The following RPP30 variants were observed in gnomAD, a reference collection of about 807,000 sequenced individuals.
RPP30 encodes the protein ribonuclease P/MRP subunit p30, also known as ribonuclease P protein subunit p30.
Under a neutral mutation model 38.6 loss-of-function variants are expected in RPP30, and 36 were observed. That is an observed-to-expected ratio of 0.93 (90% CI 0.71 to 1.23). The LOEUF is 1.23. Among genes scored for constraint, RPP30 ranks in the 50% most tolerant of loss-of-function variants. The probability of loss-of-function intolerance (pLI) is 0.00; values close to 1 mark genes in which losing one functional copy is unlikely to be tolerated. For synonymous variants in RPP30, 126 were observed against 112.7 expected, an observed-to-expected ratio of 1.12 and a Z score of -0.75; for missense variants, 321 against 321.7, an observed-to-expected ratio of 1.00 and a Z score of 0.02.
At chr10:90,875,945 A>G (rs1846846041) in intron 3 of RPP30, 79 bp from the exon 4 acceptor site, 2 of 829,848 alleles carry the variant, frequency 2.4e-6, no homozygotes, top group East Asian at 4.9e-5. Context: ...GTACCTTTTA[A>G]TGAATACTTT....
rs770517397 is a variant in RPP30 at position 90,874,894 on chromosome 10, T to G, written c.108T>G (p.Asn36Lys). 6.3e-7 allele frequency: 1 copy of G among 1,597,260 alleles called. No homozygotes were observed. Among genetic ancestry groups the G allele is most frequent in the East Asian group, 2.2e-5 (1 of 44,544 alleles). Reference protein sequence around the residue: ...AHLGYSVVAINHIVDFKEKKQ... With the variant: ...AHLGYSVVAIKHIVDFKEKKQ... ...TTGGCTATTCAGTTGTTGCTATCAATCATATCGTTGACTTTAAGGAAAAGA... is the reference window on the plus strand; with the variant it reads ...TTGGCTATTCAGTTGTTGCTATCAAGCATATCGTTGACTTTAAGGAAAAGA... The change falls in exon 2 of 11, where the codon AAT becomes AAG. Residue 36 changes from asparagine to lysine, a missense_variant. Coordinates refer to ENST00000371703, the MANE Select transcript of RPP30 (RefSeq NM_006413.5).
chr10:90,906,752 G>A (rs1269496405), downstream of RPP30, among the ~76,000 whole-genome samples: 2 of 152,148 alleles, frequency 1.3e-5, no homozygotes, highest in Admixed American at 1.3e-4. Flanking sequence ...AGTATACTTG[G>A]TAAGACCTGG....
chr10:90,886,473 A>G (rs984226298), intron 6 of RPP30, among the ~76,000 whole-genome samples: 5 of 152,154 alleles, frequency 3.3e-5, no homozygotes, highest in Non-Finnish European at 5.9e-5. Flanking sequence ...CCCCTTCTAC[A>G]TAGTTTTCTC....
chr10:90,885,845 T>A lies in RPP30; in HGVS notation c.376T>A (p.Cys126Ser), dbSNP rs777511045. The change falls in exon 6 of 11, where the codon TGC becomes AGC. Residue 126 changes from cysteine to serine, a missense_variant. Coordinates refer to ENST00000371703, the MANE Select transcript of RPP30 (RefSeq NM_006413.5). ...ACTHLDVDLV[C>S]ITVTEKLPFY... Reference sequence around the variant, plus strand: ...CACACATTTAGATGTGGATTTAGTCTGCATAACTGTAACAGAGAAACTACC... The same window carrying A: ...CACACATTTAGATGTGGATTTAGTCAGCATAACTGTAACAGAGAAACTACC... 3 of 1,611,846 alleles carry A rather than the reference T, an allele frequency of 1.9e-6. No homozygotes were observed. In the South Asian group the frequency reaches 3.3e-5, roughly 18 times the overall value.
chr10:90,894,838 A>G lies in RPP30; in HGVS notation c.496A>G (p.Arg166Gly). 1 of 1,613,576 alleles carries G rather than the reference A, an allele frequency of 6.2e-7. No homozygotes were observed. The highest frequency in any genetic ancestry group is 8.5e-7 in the Non-Finnish European group (1 of 1,179,548). ...CCCTGCTATCAAAGACTCCACAATG[A>G]GAAGGTATACAATTTCCAGTGCCCT... ...YSPAIKDSTMRRYTISSALNL... is the reference protein window; with the variant it reads ...YSPAIKDSTMGRYTISSALNL... Residue 166 changes from arginine (R) to glycine (G), a missense_variant, in exon 7 of 11, where the codon AGA becomes GGA. Physicochemically the swap from Arg to Gly is moderately radical, Grantham distance 125 (BLOSUM62 -2). Coordinates refer to ENST00000371703, the MANE Select transcript of RPP30 (RefSeq NM_006413.5).
chr10:90,895,439 CTT>C lies in RPP30; in HGVS notation c.550-13_550-12del, dbSNP rs1847128976. On this transcript the variant is annotated splice_polypyrimidine_tract_variant and intron_variant, in intron 7 of 10. Transcript: ENST00000371703. ...ATTTATCTAAGATTAATATTAGTCA[CTT>C]TCTATTTTGTAGAATGTAATTATAT... is the stretch of plus-strand genomic sequence containing the variant. 6 of 1,338,140 alleles carry C rather than the reference CTT, an allele frequency of 4.5e-6. No homozygotes were observed. Among genetic ancestry groups the C allele is most frequent in the Non-Finnish European group, 6.1e-6 (6 of 990,848 alleles). The allele number at this position is 1,338,140 out of a possible 1,614,324, so 82.9% of individuals were successfully genotyped here. A position where few individuals can be genotyped will look rare whatever the true frequency, so the allele number is the denominator to read the frequency against.
intron 4 of RPP30, among the ~76,000 whole-genome samples, chr10:90,876,481 A>T (rs945372521): frequency 3.9e-5 from 6 of 152,218 alleles, no homozygotes; most frequent in African/African-American, 1.4e-4. Flanking sequence ...GAATGTTCCA[A>T]GGTAGGGAAG....
chr10:90,896,454 C>T (rs1847140299), intron 10 of RPP30, 62 bp downstream of exon 10: 1 of 1,346,184 alleles, frequency 7.4e-7, no homozygotes, highest in Non-Finnish European at 1.1e-6. Flanking sequence ...TTTTTACAGC[C>T]ATACCTATTT....
intron 10 of RPP30, among the ~76,000 whole-genome samples, chr10:90,899,121 T>C (rs1392824375): frequency 4.6e-5 from 7 of 152,260 alleles, no homozygotes; most frequent in Non-Finnish European, 8.8e-5. Context: ...AGTGCTGATT[T>C]TCATAATGTT....
At chr10:90,898,923 C>A (rs756095680) in intron 10 of RPP30, among the ~76,000 whole-genome samples, 2 of 152,178 alleles carry the variant, frequency 1.3e-5, no homozygotes, top group African/African-American at 4.8e-5. Context: ...CCTGCCTTAG[C>A]CCCTTGTGAA....
chr10:90,872,025 T>A lies in RPP30; in HGVS notation c.39T>A (p.Ser13=). Residue 13 remains serine (S), a synonymous_variant, in exon 1 of 11, where the codon TCT becomes TCA. Coordinates refer to ENST00000371703, the MANE Select transcript of RPP30 (RefSeq NM_006413.5). ...VFADLDLRAG[S]DLKALRGLVE... ...CAGATTTGGACCTGCGAGCGGGTTC[T>A]GACCTGAAGGCTCTGCGCGGACTTG... The A allele has an allele frequency of 6.2e-7, 1 of 1,614,186 alleles. No homozygotes were observed. The highest frequency in any genetic ancestry group is 2.2e-5 in the East Asian group (1 of 44,880).
In RPP30 at chr10:90,901,140, ATTTTTTT is replaced by A. The variant is rs59418716; in HGVS notation, c.*477_*483del. The A allele has an allele frequency of 6.7e-5, 8 of 120,132 alleles. No individual in the cohort carries two copies. The East Asian group carries it at 1.4e-3, about 20-fold the overall frequency. The allele number at this position is 120,132 out of a possible 1,614,324, so 7.4% of individuals were successfully genotyped here. The stretch of plus-strand genomic sequence containing the variant: ...CAGGTGTGCACTACCACACCTGGCT[ATTTTTTT>A]TTTTTTTTTTTTTTTCCCTTGTAGA... On this transcript the variant is annotated 3_prime_UTR_variant, in exon 11 of 11. Transcript: ENST00000371703.
intron 2 of RPP30, 71 bp from the exon 3 acceptor site, chr10:90,875,487 C>T (rs1395860501): frequency 7.4e-6 from 9 of 1,211,616 alleles, no homozygotes; most frequent in African/African-American, 3.0e-5. Flanking sequence ...GAGAACACCT[C>T]GTAATTTTTC....
At chr10:90,897,800 T>G (rs1196008047) in intron 10 of RPP30, among the ~76,000 whole-genome samples, 6 of 152,178 alleles carry the variant, frequency 3.9e-5, no homozygotes, top group Non-Finnish European at 8.8e-5. Flanking sequence ...TTAGAATTTC[T>G]TTTTGTGGGT....
chr10:90,902,532 T>G (rs1847215940), downstream of RPP30, among the ~76,000 whole-genome samples: 1 of 152,192 alleles, frequency 6.6e-6, no homozygotes, highest in African/African-American at 2.4e-5. Context: ...GGCCTTCCAG[T>G]TCTTTTTAAT....
intron 3 of RPP30, 127 bp from the exon 4 acceptor site, chr10:90,875,897 G>A (rs1846845595): frequency 1.6e-6 from 1 of 639,554 alleles, no homozygotes; most frequent in Non-Finnish European, 2.8e-6. Flanking sequence ...AGAGAACAAG[G>A]ACTGGGTTTT....
rs1034979386 is a variant in RPP30, at chr10:90,901,790, G to A, written c.*1111G>A. ...AAGAAATTTTTTTAAGCAAGAGAAAGACAACTGTTCTGCGGGTTGGAGAAA... is the reference window on the plus strand; with the variant it reads ...AAGAAATTTTTTTAAGCAAGAGAAAAACAACTGTTCTGCGGGTTGGAGAAA... On this transcript the variant is annotated 3_prime_UTR_variant, in exon 11 of 11. Coordinates refer to ENST00000371703, the MANE Select transcript of RPP30 (RefSeq NM_006413.5). The A allele has an allele frequency of 2.0e-5, 20 of 981,952 alleles. No individual in the cohort carries two copies. The highest frequency in any genetic ancestry group is 2.3e-5 in the Non-Finnish European group (19 of 827,222). The allele number at this position is 981,952 out of a possible 1,614,324, so 60.8% of individuals were successfully genotyped here.
intron 9 of RPP30, 108 bp from the exon 10 acceptor site, chr10:90,896,205 T>A: frequency 1.1e-6 from 1 of 920,460 alleles, no homozygotes; most frequent in South Asian, 1.4e-5. Flanking sequence ...TGCTGTTGAA[T>A]TAATTAGCCT....
intron 5 of RPP30, among the ~76,000 whole-genome samples, chr10:90,885,585 A>G (rs1846989172): frequency 6.6e-6 from 1 of 152,238 alleles, no homozygotes; most frequent in Admixed American, 6.5e-5. Context: ...CTTTTGAGAA[A>G]GTCTGTGGAC....
Sources: allele counts gnomAD v4.1 joint callset (sites outside exome capture counted in the v4.1 genomes callset), GRCh38; gene constraint gnomAD v4.1.1; transcripts MANE v1.5; gene names NCBI Gene and HGNC (gene_info 2026-07-23, HGNC 2026-07-21).